The following P2RY11 variants were observed in gnomAD, a reference collection of about 807,000 sequenced individuals.
P2RY11 encodes the protein purinergic receptor P2Y11.
Under a neutral mutation model 2.4 loss-of-function variants are expected in P2RY11, and 3 were observed. The ratio of observed to expected loss-of-function variants is 1.22; its 90% CI spans 0.56 to 3.17. The LOEUF (loss-of-function observed/expected upper bound fraction) is 3.17. P2RY11 is among the 30% of genes most tolerant of loss of function. P2RY11 has a pLI of 0.03. For missense variants in P2RY11, 670 were observed against 528.2 expected (o/e 1.27, Z -2.63); for synonymous variants, 307 against 237.3 (o/e 1.29, Z -2.70).
chr19:10,115,118 T>A lies in P2RY11; in HGVS notation c.*380T>A, dbSNP rs765039825. On this transcript the variant is annotated 3_prime_UTR_variant, in exon 2 of 2. Transcript: ENST00000321826. ...GAGTACACAGTGGCAGCTGGCTTAGTTGGTGGACGGCCTGGGGTAGGGGAG... is the reference window on the plus strand; with the variant it reads ...GAGTACACAGTGGCAGCTGGCTTAGATGGTGGACGGCCTGGGGTAGGGGAG... The A allele has an allele frequency of 6.2e-7, 1 of 1,613,886 alleles. No homozygotes were observed. The highest frequency in any genetic ancestry group is 8.5e-7 in the Non-Finnish European group (1 of 1,179,968).
rs75945356 is a variant in P2RY11, at chr19:10,114,395, A to G, written c.782A>G (p.Tyr261Cys). Residue 261 changes from tyrosine (Y) to cysteine (C), a missense_variant, in exon 2 of 2, where the codon TAT becomes TGT. By Grantham distance (194) the Tyr-to-Cys change is radical. Coordinates refer to ENST00000321826, the MANE Select transcript of P2RY11 (RefSeq NM_002566.5). Reference sequence around the variant, plus strand: ...GGTGTGGCCCTCTACGCCAGCTCCTATGTGCCCTACCACATCATGCGGGTG... The same window carrying G: ...GGTGTGGCCCTCTACGCCAGCTCCTGTGTGCCCTACCACATCATGCGGGTG... ...ASGVALYASS[Y>C]VPYHIMRVLN... 6,299 of 1,609,788 alleles carry G rather than the reference A, an allele frequency of 3.9e-3. 33 individuals carry two copies. Among genetic ancestry groups the G allele is most frequent in the Non-Finnish European group, 4.9e-3 (5,763 of 1,179,874 alleles).
Position 10,115,230 on chromosome 19 carries a change from A to C in P2RY11, c.*492A>C. 1 of 1,471,244 alleles carries C rather than the reference A, an allele frequency of 6.8e-7. No individual in the cohort carries two copies. Among genetic ancestry groups the C allele is most frequent in the Non-Finnish European group, 9.3e-7 (1 of 1,078,206 alleles). 91.1% of individuals were successfully genotyped at this position (1,471,244 alleles called of 1,614,324 possible). On this transcript the variant is annotated 3_prime_UTR_variant, in exon 2 of 2. Transcript: ENST00000321826. ...GGGGTGGGTGGGCAGAGGACGGGGTAATGTGAGGACGAAGCGGGCACGGAG... is the reference window on the plus strand; with the variant it reads ...GGGGTGGGTGGGCAGAGGACGGGGTCATGTGAGGACGAAGCGGGCACGGAG...
rs750281639 is a variant in P2RY11 at position 10,114,337 on chromosome 19, G to T, written c.724G>T (p.Glu242Ter). Residue 242 changes from glutamate (E) to a stop codon, truncating the protein, a stop_gained, in exon 2 of 2, where the codon GAG becomes TAG. Transcript: ENST00000321826. LOFTEE classifies it low-confidence loss of function (END_TRUNC). Reference sequence around the variant, plus strand: ...ACGCAGCCCAGGCATGACTGTGGCCGAGAAGCTGCGTGTGGCAGCGTTGGT... The same window carrying T: ...ACGCAGCCCAGGCATGACTGTGGCCTAGAAGCTGCGTGTGGCAGCGTTGGT... ...VLRSPGMTVA[E>*]KLRVAALVAS... 1 of 1,601,028 alleles carries T rather than the reference G, an allele frequency of 6.2e-7. No homozygotes were observed. Among genetic ancestry groups the T allele is most frequent in the Non-Finnish European group, 8.5e-7 (1 of 1,178,110 alleles).
At position 10,114,883 on chromosome 19, in the gene P2RY11, G is replaced by GC; in HGVS notation, c.*146dup. 1 of 1,432,246 alleles carries GC rather than the reference G, an allele frequency of 7.0e-7. No homozygotes were observed. The highest frequency in any genetic ancestry group is 9.3e-7 in the Non-Finnish European group (1 of 1,074,062). The allele number at this position is 1,432,246 out of a possible 1,614,324, so 88.7% of individuals were successfully genotyped here. On this transcript the variant is annotated 3_prime_UTR_variant, in exon 2 of 2. Coordinates refer to ENST00000321826, the MANE Select transcript of P2RY11 (RefSeq NM_002566.5). The stretch of plus-strand genomic sequence containing the variant: ...AGGCCCAGCTGCAGCCCAGGCAGGA[G>GC]CAGTCGCCTTTCCCACCCACAGCGC...
At position 10,114,355 on chromosome 19, in the gene P2RY11, G is replaced by C; in HGVS notation, c.742G>C (p.Ala248Pro). The change falls in exon 2 of 2, where the codon GCG (alanine) becomes CCG (proline). Residue 248 changes from alanine to proline, a missense_variant. Ala to Pro is a conservative substitution (Grantham distance 27). Coordinates refer to ENST00000321826, the MANE Select transcript of P2RY11 (RefSeq NM_002566.5). ...MTVAEKLRVA[A>P]LVASGVALYA... Reference sequence around the variant, plus strand: ...TGTGGCCGAGAAGCTGCGTGTGGCAGCGTTGGTGGCCAGTGGTGTGGCCCT... The same window carrying C: ...TGTGGCCGAGAAGCTGCGTGTGGCACCGTTGGTGGCCAGTGGTGTGGCCCT... 4 of 1,604,372 alleles carry C rather than the reference G, an allele frequency of 2.5e-6. No individual in the cohort carries two copies. Among genetic ancestry groups the C allele is most frequent in the Non-Finnish European group, 3.4e-6 (4 of 1,178,910 alleles).
intron 1 of P2RY11, 40 bp from the exon 2 acceptor site, chr19:10,113,593 G>T (rs369720682): frequency 1.3e-6 from 2 of 1,577,374 alleles, no homozygotes; most frequent in Admixed American, 1.8e-5. Flanking sequence ...GCCGCCTTAT[G>T]GGGGAATAGG....
Position 10,111,711 on chromosome 19 carries a change from G to A in P2RY11, c.-11G>A, listed in dbSNP as rs373524333. ...GGGTAGCAGACACAGGCTGAGGATCGGCACGGGAGCATGGCAGCCAACGTC... is the reference window on the plus strand; with the variant it reads ...GGGTAGCAGACACAGGCTGAGGATCAGCACGGGAGCATGGCAGCCAACGTC... On this transcript the variant is annotated 5_prime_UTR_variant, in exon 1 of 2. Coordinates refer to ENST00000321826, the MANE Select transcript of P2RY11 (RefSeq NM_002566.5). The A allele has an allele frequency of 1.3e-4, 207 of 1,613,636 alleles. No homozygotes were observed. Among genetic ancestry groups the A allele is most frequent in the Non-Finnish European group, 1.6e-4 (191 of 1,179,866 alleles).
At position 10,113,682 on chromosome 19, in the gene P2RY11, C is replaced by CCTT; in HGVS notation, c.69_70insCTT (p.Leu23dup). 6.2e-6 allele frequency: 10 copies of CCTT among 1,600,800 alleles called. No homozygotes were observed. In the Admixed American group the frequency reaches 6.8e-5, roughly 11 times the overall value. ...TCTTGGCAGCTGCCGACGACAAACTCAGTGGGTTCCAGGGGGACTTCCTGT... is the reference window on the plus strand; with the variant it reads ...TCTTGGCAGCTGCCGACGACAAACTCCTTAGTGGGTTCCAGGGGGACTTCCTGT... On this transcript the variant is annotated inframe_insertion, in exon 2 of 2. Transcript: ENST00000321826.
chr19:10,114,871 G>A lies in P2RY11; in HGVS notation c.*133G>A, dbSNP rs2089210455. The A allele has an allele frequency of 3.4e-6, 5 of 1,452,490 alleles. No individual in the cohort carries two copies. The highest frequency in any genetic ancestry group is 2.8e-5 in the African/African-American group (2 of 70,684). The allele number at this position is 1,452,490 out of a possible 1,614,324, so 90.0% of individuals were successfully genotyped here. A position where few individuals can be genotyped will look rare whatever the true frequency, so the allele number is the denominator to read the frequency against. ...TGCAGCCAGGTCAGGCCCAGCTGCAGCCCAGGCAGGAGCAGTCGCCTTTCC... is the reference window on the plus strand; with the variant it reads ...TGCAGCCAGGTCAGGCCCAGCTGCAACCCAGGCAGGAGCAGTCGCCTTTCC... On this transcript the variant is annotated 3_prime_UTR_variant, in exon 2 of 2. Coordinates refer to ENST00000321826, the MANE Select transcript of P2RY11 (RefSeq NM_002566.5).
intron 1 of P2RY11, chr19:10,112,094 G>A (rs140762471): frequency 1.1e-3 from 222 of 203,978 alleles, no homozygotes; most frequent in African/African-American, 4.9e-3. Context: ...TGGGCAATGA[G>A]CGAAACTCCA....
rs142011996 is a variant in P2RY11, at chr19:10,114,356, C to T, written c.743C>T (p.Ala248Val). 4.4e-5 allele frequency: 71 copies of T among 1,604,246 alleles called. No homozygotes were observed. Among genetic ancestry groups the T allele is most frequent in the Admixed American group, 2.7e-4 (16 of 59,964 alleles). The change falls in exon 2 of 2, where the codon GCG (alanine) becomes GTG (valine). Residue 248 changes from alanine to valine, a missense_variant. Physicochemically the swap from Ala to Val is moderately conservative, Grantham distance 64. Coordinates refer to ENST00000321826, the MANE Select transcript of P2RY11 (RefSeq NM_002566.5). ...MTVAEKLRVA[A>V]LVASGVALYA... ...GTGGCCGAGAAGCTGCGTGTGGCAG[C>T]GTTGGTGGCCAGTGGTGTGGCCCTC... is the stretch of plus-strand genomic sequence containing the variant.
Position 10,114,916 on chromosome 19 carries a change from AG to A in P2RY11, c.*181del. ...CTTTCCCACCCACAGCGCTGGCCAC[AG>A]GGCTCCCTGCAGGGTCAGGGACCAG... On this transcript the variant is annotated 3_prime_UTR_variant, in exon 2 of 2. Coordinates refer to ENST00000321826, the MANE Select transcript of P2RY11 (RefSeq NM_002566.5). The A allele has an allele frequency of 7.2e-7, 1 of 1,389,312 alleles. No individual in the cohort carries two copies. The highest frequency in any genetic ancestry group is 9.8e-7 in the Non-Finnish European group (1 of 1,022,440). The allele number at this position is 1,389,312 out of a possible 1,614,324, so 86.1% of individuals were successfully genotyped here.
chr19:10,112,710 G>A (rs759858751), intron 1 of P2RY11, among the ~76,000 whole-genome samples: 1 of 152,184 alleles, frequency 6.6e-6, no homozygotes, highest in Non-Finnish European at 1.5e-5. Context: ...AGGCTGAGGC[G>A]GGCAGATCTG....
Position 10,115,228 on chromosome 19 carries a change from G to A in P2RY11, c.*490G>A, listed in dbSNP as rs1266217889. The A allele has an allele frequency of 3.1e-5, 46 of 1,474,366 alleles. No individual in the cohort carries two copies. Among genetic ancestry groups the A allele is most frequent in the Non-Finnish European group, 3.9e-5 (42 of 1,080,234 alleles). 91.3% of individuals were successfully genotyped at this position (1,474,366 alleles called of 1,614,324 possible). A position where few individuals can be genotyped will look rare whatever the true frequency, so the allele number is the denominator to read the frequency against. Reference sequence around the variant, plus strand: ...TGGGGGTGGGTGGGCAGAGGACGGGGTAATGTGAGGACGAAGCGGGCACGG... The same window carrying A: ...TGGGGGTGGGTGGGCAGAGGACGGGATAATGTGAGGACGAAGCGGGCACGG... On this transcript the variant is annotated 3_prime_UTR_variant, in exon 2 of 2. Coordinates refer to ENST00000321826, the MANE Select transcript of P2RY11 (RefSeq NM_002566.5).
rs79800334 is a variant in P2RY11, at chr19:10,113,961, C to T, written c.348C>T (p.Ser116=). 6,244 of 1,601,950 alleles carry T rather than the reference C, an allele frequency of 3.9e-3. 190 individuals carry two copies. In the South Asian group the frequency reaches 0.046, roughly 12 times the overall value. Residue 116 remains serine, a synonymous_variant, in exon 2 of 2, where the codon AGC becomes AGT. Transcript: ENST00000321826. The stretch of plus-strand genomic sequence containing the variant: ...TCTTCACCTGCAACCTGCTGGGCAG[C>T]GTCATCTTCATCACCTGCATCAGCC... ...RFLFTCNLLG[S]VIFITCISLN...
At position 10,113,675 on chromosome 19, in the gene P2RY11, A is replaced by AT; in HGVS notation, c.62_63insT (p.Lys22GlnfsTer17). 1.2e-6 allele frequency: 2 copies of AT among 1,612,776 alleles called. No individual in the cohort carries two copies. The highest frequency in any genetic ancestry group is 1.7e-6 in the Non-Finnish European group (2 of 1,179,138). On this transcript the variant is annotated frameshift_variant, in exon 2 of 2. Coordinates refer to ENST00000321826, the MANE Select transcript of P2RY11 (RefSeq NM_002566.5). LOFTEE classifies it low-confidence loss of function (END_TRUNC). The stretch of plus-strand genomic sequence containing the variant: ...GCCAACTTCTTGGCAGCTGCCGACG[A>AT]CAAACTCAGTGGGTTCCAGGGGGAC...
rs1377739492 is a variant in P2RY11 at position 10,113,808 on chromosome 19, G to A, written c.195G>A (p.Val65=). Residue 65 remains valine (V), a synonymous_variant, in exon 2 of 2, where the codon GTG becomes GTA. Coordinates refer to ENST00000321826, the MANE Select transcript of P2RY11 (RefSeq NM_002566.5). ...IRKQRPWHPA[V]VFSVQLAVSD... ...AGCAGCGCCCATGGCACCCCGCCGTGGTCTTCTCTGTCCAGCTGGCAGTCA... is the reference window on the plus strand; with the variant it reads ...AGCAGCGCCCATGGCACCCCGCCGTAGTCTTCTCTGTCCAGCTGGCAGTCA... 1.9e-6 allele frequency: 3 copies of A among 1,613,860 alleles called. No individual in the cohort carries two copies. The highest frequency in any genetic ancestry group is 1.1e-5 in the South Asian group (1 of 91,086).
Position 10,114,699 on chromosome 19 carries a change from T to C in P2RY11, c.1086T>C (p.Pro362=). 2 of 1,612,196 alleles carry C rather than the reference T, an allele frequency of 1.2e-6. No individual in the cohort carries two copies. Among genetic ancestry groups the C allele is most frequent in the South Asian group, 2.2e-5 (2 of 90,906 alleles). ...TGCCCCTCAATGCCACAGCCGCCCC[T>C]AAACCGTCAGAGCCCCAGTCCCGTG... is the stretch of plus-strand genomic sequence containing the variant. ...QALPLNATAA[P]KPSEPQSREL... Residue 362 remains proline (P), a synonymous_variant, in exon 2 of 2, where the codon CCT becomes CCC. Coordinates refer to ENST00000321826, the MANE Select transcript of P2RY11 (RefSeq NM_002566.5).
intron 1 of P2RY11, chr19:10,112,001 T>C (rs1272618724): frequency 6.8e-6 from 3 of 439,584 alleles, no homozygotes; most frequent in Non-Finnish European, 1.2e-5. Context: ...TCCCAGCTAC[T>C]CGGGAGGCTG....
Sources: allele counts gnomAD v4.1 joint callset (sites outside exome capture counted in the v4.1 genomes callset), GRCh38; gene constraint gnomAD v4.1.1; transcripts MANE v1.5; gene names NCBI Gene and HGNC (gene_info 2026-07-23, HGNC 2026-07-21).